Variants in ASAP2 observed in about 807,000 individuals in gnomAD.
ASAP2 encodes arf-GAP with SH3 domain, ANK repeat and PH domain-containing protein 2.
A neutral mutation model predicts 131.4 loss-of-function variants in ASAP2; 45 were observed. The ratio of observed to expected loss-of-function variants is 0.34; its 90% CI spans 0.27 to 0.44. The LOEUF (loss-of-function observed/expected upper bound fraction) is 0.44. ASAP2 is among the 20% of genes least tolerant of loss of function. The pLI is 1.00. For synonymous variants in ASAP2, 510 were observed against 503.0 expected, an observed-to-expected ratio of 1.01 and a Z score of -0.19; for missense variants, 1,011 against 1,297.0, an observed-to-expected ratio of 0.78 and a Z score of 3.39.
chr2:9,295,982 G>A (rs2148389021), intron 2 of ASAP2, among the ~76,000 whole-genome samples: 1 of 152,294 alleles, frequency 6.6e-6, no homozygotes. Context: ...GTCAGGCCCA[G>A]CCTAGCCATT....
intron 1 of ASAP2, among the ~76,000 whole-genome samples, chr2:9,257,390 C>A (rs1665241079): frequency 6.6e-6 from 1 of 152,208 alleles, no homozygotes; most frequent in Non-Finnish European, 1.5e-5. Context: ...CTTTTCCCTG[C>A]AAAATTAAAA....
chr2:9,218,299 C>T (rs1199257978), intron 1 of ASAP2, among the ~76,000 whole-genome samples: 1 of 152,210 alleles, frequency 6.6e-6, no homozygotes, highest in African/African-American at 2.4e-5. Context: ...TGGAGGTCAT[C>T]AGACACTAAC....
At chr2:9,363,935 A>C (rs1673268617) in intron 15 of ASAP2, among the ~76,000 whole-genome samples, 1 of 152,208 alleles carries the variant, frequency 6.6e-6, no homozygotes, top group South Asian at 2.1e-4. Context: ...GTTCTGGGGA[A>C]TCATGTCATC....
At chr2:9,346,441 A>G (rs1334460105) in intron 11 of ASAP2, among the ~76,000 whole-genome samples, 1 of 152,062 alleles carries the variant, frequency 6.6e-6, no homozygotes, top group Non-Finnish European at 1.5e-5. Flanking sequence ...ATCTCAAAAA[A>G]AAAAAAAAAA....
intron 11 of ASAP2, among the ~76,000 whole-genome samples, chr2:9,348,271 C>T (rs1672100735): frequency 2.0e-5 from 3 of 152,068 alleles, no homozygotes. Flanking sequence ...TGCATGCCAC[C>T]ATGCCCAGCT....
chr2:9,277,402 G>A (rs1429649676), intron 1 of ASAP2, among the ~76,000 whole-genome samples: 1 of 152,170 alleles, frequency 6.6e-6, no homozygotes, highest in African/African-American at 2.4e-5. Context: ...CTGTTTCCAA[G>A]TCCCCTTTTG....
intron 1 of ASAP2, among the ~76,000 whole-genome samples, chr2:9,272,741 A>T (rs1666485152): frequency 6.6e-6 from 1 of 152,198 alleles, no homozygotes. Flanking sequence ...ATGGTGAAAG[A>T]TAGAGGTCTA....
chr2:9,317,759 C>T (rs575684911), intron 3 of ASAP2, among the ~76,000 whole-genome samples: 1 of 151,794 alleles, frequency 6.6e-6, no homozygotes, highest in East Asian at 1.9e-4. Context: ...CACTCACATC[C>T]GTACACAATC....
Position 9,272,577 on chromosome 2 carries a change from T to C in ASAP2, c.127-6740T>C, listed in dbSNP as rs577393575. Among the ~76,000 whole-genome samples, 457 of 152,354 alleles carry C rather than the reference T, an allele frequency of 3.0e-3. 2 individuals are homozygous for C. The highest frequency in any genetic ancestry group is 0.01 in the African/African-American group (436 of 41,584). ...TTTTAACTTGATATGATCCCATTTATCTGTTTTTGCTTTGGTTGCCTGTGC... is the reference window on the plus strand; with the variant it reads ...TTTTAACTTGATATGATCCCATTTACCTGTTTTTGCTTTGGTTGCCTGTGC... On this transcript the variant is annotated intron_variant, in intron 1 of 27. Coordinates refer to ENST00000281419, the MANE Select transcript of ASAP2 (RefSeq NM_003887.3).
intron 3 of ASAP2, among the ~76,000 whole-genome samples, chr2:9,313,745 CAG>C (rs1476981724): frequency 1.3e-5 from 2 of 151,356 alleles, no homozygotes; most frequent in Non-Finnish European, 3.0e-5. Flanking sequence ...GTGAGCATCT[CAG>C]GGGTTAGTAA....
Position 9,404,692 on chromosome 2 carries a change from C to T in ASAP2, c.*1365C>T, listed in dbSNP as rs1262176624. ...GTTAACTGCATTTGTTGTGATGGTGCATTTGATTGAAGCAGCTTGTCTTTA... is the reference window on the plus strand; with the variant it reads ...GTTAACTGCATTTGTTGTGATGGTGTATTTGATTGAAGCAGCTTGTCTTTA... On this transcript the variant is annotated 3_prime_UTR_variant, in exon 28 of 28. Coordinates refer to ENST00000281419, the MANE Select transcript of ASAP2 (RefSeq NM_003887.3). 1 of 150,680 alleles carries T rather than the reference C, an allele frequency of 6.6e-6. No homozygotes were observed. Among genetic ancestry groups the T allele is most frequent in the African/African-American group, 2.4e-5 (1 of 40,908 alleles). The allele number at this position is 150,680 out of a possible 1,614,324, so 9.3% of individuals were successfully genotyped here. A position where few individuals can be genotyped will look rare whatever the true frequency, so the allele number is the denominator to read the frequency against.
chr2:9,214,482 C>G (rs1225686057), intron 1 of ASAP2, among the ~76,000 whole-genome samples: 1 of 152,104 alleles, frequency 6.6e-6, no homozygotes, highest in Non-Finnish European at 1.5e-5. Flanking sequence ...TCAGGTGATC[C>G]GCCCACCTCG....
At chr2:9,342,391 G>A (rs1671648340) in intron 9 of ASAP2, among the ~76,000 whole-genome samples, 1 of 152,228 alleles carries the variant, frequency 6.6e-6, no homozygotes, top group Non-Finnish European at 1.5e-5. Context: ...TTTAACAAGG[G>A]TGCCAAGGCA....
At chr2:9,312,547 A>G (rs1468451417) in intron 3 of ASAP2, among the ~76,000 whole-genome samples, 1 of 152,166 alleles carries the variant, frequency 6.6e-6, no homozygotes, top group Admixed American at 6.5e-5. Context: ...TATCCAGGCT[A>G]GAAATAATGT....
At chr2:9,385,666 T>C (rs1675205248) in intron 21 of ASAP2, among the ~76,000 whole-genome samples, 1 of 152,228 alleles carries the variant, frequency 6.6e-6, no homozygotes, top group South Asian at 2.1e-4. Context: ...GGTCTCTTGC[T>C]ATGGAGTCAT....
At chr2:9,344,959 T>C (rs903285992) in intron 11 of ASAP2, among the ~76,000 whole-genome samples, 159 bp downstream of exon 11, 6 of 151,760 alleles carry the variant, frequency 4.0e-5, no homozygotes, top group African/African-American at 1.5e-4. Context: ...CTGGCCTCCG[T>C]CTTGATTTGG....
chr2:9,266,232 G>A (rs976824548), intron 1 of ASAP2, among the ~76,000 whole-genome samples: 3 of 144,032 alleles, frequency 2.1e-5, no homozygotes, highest in African/African-American at 5.3e-5. Flanking sequence ...CTGCAGCCTC[G>A]ACTTCCCAGA....
intron 3 of ASAP2, among the ~76,000 whole-genome samples, chr2:9,300,564 G>C (rs890323357): frequency 2.4e-4 from 36 of 152,222 alleles, no homozygotes; most frequent in Admixed American, 2.3e-3. Flanking sequence ...ATCAATAAAG[G>C]TATCTGTGGC....
At chr2:9,388,190 C>A in intron 21 of ASAP2, 104 bp from the exon 22 acceptor site, 1 of 1,455,058 alleles carries the variant, frequency 6.9e-7, no homozygotes, top group Non-Finnish European at 9.4e-7. Context: ...GTACCAGGCC[C>A]AGCAGAGTTG....
Sources: allele counts gnomAD v4.1 joint callset (sites outside exome capture counted in the v4.1 genomes callset), GRCh38; gene constraint gnomAD v4.1.1; transcripts MANE v1.5; gene names NCBI Gene and HGNC (gene_info 2026-07-23, HGNC 2026-07-21).